Variants in ANKRD36C observed in about 807,000 individuals in gnomAD.
The protein encoded by ANKRD36C is ankyrin repeat domain 36C.
A neutral mutation model predicts 276.4 loss-of-function variants in ANKRD36C; 61 were observed. The observed-to-expected ratio is 0.22, with a 90% CI of 0.18 to 0.27. ANKRD36C has a LOEUF of 0.27. Ranked by LOEUF, ANKRD36C falls within the 10% of genes least tolerant of loss-of-function variation. The pLI, the probability that ANKRD36C is intolerant of heterozygous loss-of-function variation, is 1.00. For synonymous variants in ANKRD36C, 483 were observed against 680.1 expected, an observed-to-expected ratio of 0.71 and a Z score of 4.51; for missense variants, 1,447 against 2,032.3, an observed-to-expected ratio of 0.71 and a Z score of 5.54.
chr2:95,852,517 C>A (rs1250819890), intron 64 of ANKRD36C: 15 of 250,158 alleles, frequency 6.0e-5, no homozygotes, highest in Non-Finnish European at 9.9e-5. Context: ...GAAAAGTTCA[C>A]AGACCCCTGC....
rs758631503 is a variant in ANKRD36C, at chr2:95,908,538, C to T, written c.2653+3706G>A. ...TTTTCTCCATGCTTTTTTCCTCTGG[C>T]TATATTCAAAAGAGAATCTTTCTCA... On this transcript the variant is annotated intron_variant, in intron 42 of 66. Coordinates refer to ENST00000456556, the Ensembl canonical transcript of ANKRD36C. 4.5e-6 allele frequency: 7 copies of T among 1,547,952 alleles called. No homozygotes were observed. In the South Asian group the frequency reaches 8.2e-5, roughly 18 times the overall value.
At chr2:95,915,829 A>T (rs557967199) in intron 38 of ANKRD36C, 151 bp downstream of exon 40, 36 of 1,148,178 alleles carry the variant, frequency 3.1e-5, no homozygotes, top group Middle Eastern at 2.9e-4. Flanking sequence ...ACCAGCAGCA[A>T]CAGCGTAACC....
chr2:95,963,475 C>T (rs1462123955), intron 6 of ANKRD36C, among the ~76,000 whole-genome samples: 1 of 148,412 alleles, frequency 6.7e-6, no homozygotes, highest in East Asian at 2.0e-4. Context: ...AAAGTTAGCT[C>T]CTTGAAAAAC....
chr2:95,986,818 T>C, exon 3 of ANKRD36C: 1 of 1,611,964 alleles, frequency 6.2e-7, no homozygotes, highest in Non-Finnish European at 8.5e-7. Context: ...ATCTTCATTA[T>C]ACACAGCGTA....
At chr2:95,889,613 T>C (rs1443411530) in intron 48 of ANKRD36C, among the ~76,000 whole-genome samples, 186 bp downstream of exon 68, 1 of 151,520 alleles carries the variant, frequency 6.6e-6, no homozygotes, top group African/African-American at 2.4e-5. Context: ...TCTAAAATCT[T>C]AGTACTTTCA....
At chr2:95,920,109 C>G (rs1677224651) in intron 34 of ANKRD36C, among the ~76,000 whole-genome samples, 189 bp from the exon 35 acceptor site, 1 of 131,938 alleles carries the variant, frequency 7.6e-6, no homozygotes, top group Middle Eastern at 3.4e-3. Flanking sequence ...CAGGCTCCAT[C>G]AAATATATCC....
chr2:95,948,261 C>T (rs1678105701), intron 17 of ANKRD36C, among the ~76,000 whole-genome samples: 1 of 151,910 alleles, frequency 6.6e-6, no homozygotes, highest in Non-Finnish European at 1.5e-5. Flanking sequence ...GAAAGCGTTC[C>T]AGAACCACAT....
rs973653819 is a variant in ANKRD36C, at chr2:95,990,038, A to AT, written c.197+1473dup. 1.6e-3 allele frequency among the ~76,000 whole-genome samples: 237 copies of AT among 152,026 alleles called. 1 individual carries two copies. The Middle Eastern group carries it at 0.024, about 15-fold the overall frequency. On this transcript the variant is annotated intron_variant, in intron 1 of 66. Transcript: ENST00000456556. ...CTTTTAATTTTTTCTTATAAACTGGATTTTTTTTATTTTGCTAAATCGACC... is the reference window on the plus strand; with the variant it reads ...CTTTTAATTTTTTCTTATAAACTGGATTTTTTTTTATTTTGCTAAATCGACC...
chr2:95,910,464 G>A lies in ANKRD36C; in HGVS notation c.2653+1780C>T, dbSNP rs187672188. The stretch of plus-strand genomic sequence containing the variant: ...TTGTAGCCTGAATAGAATTTGAAAC[G>A]AAATAATAAATAAATAAAGTATGTT... On this transcript the variant is annotated intron_variant, in intron 42 of 66. Coordinates refer to ENST00000456556, the Ensembl canonical transcript of ANKRD36C. The A allele has an allele frequency of 1.6e-3, 2,564 of 1,585,172 alleles. 3 individuals carry two copies. Among genetic ancestry groups the A allele is most frequent in the South Asian group, 2.5e-3 (224 of 88,246 alleles).
intron 6 of ANKRD36C, among the ~76,000 whole-genome samples, chr2:95,974,243 A>C (rs1346551205): frequency 1.3e-5 from 2 of 152,226 alleles, no homozygotes; most frequent in African/African-American, 4.8e-5. Flanking sequence ...TTAATTTGAA[A>C]ATTTAAAAGA....
chr2:95,937,409 G>C (rs1305721211), intron 22 of ANKRD36C, among the ~76,000 whole-genome samples: 2 of 152,310 alleles, frequency 1.3e-5, no homozygotes, highest in African/African-American at 4.8e-5. Flanking sequence ...AGATCAGAGT[G>C]CCATGGACAA....
At position 95,870,532 on chromosome 2, in the gene ANKRD36C, G is replaced by T. The variant is rs1244463680; in HGVS notation, c.3541-2951C>A. Among the ~76,000 whole-genome samples the T allele has an allele frequency of 3.9e-5, 6 of 152,186 alleles. No homozygotes were observed. The East Asian group carries it at 1.2e-3, about 29-fold the overall frequency. On this transcript the variant is annotated intron_variant, in intron 59 of 66. Coordinates refer to ENST00000456556, the Ensembl canonical transcript of ANKRD36C. ...CCATCTGTACATCACCATCATCAAA[G>T]ACCAAAAGTAGATAAAACCTCAAAG...
chr2:95,960,512 T>C, exon 10 of ANKRD36C: 2 of 1,533,892 alleles, frequency 1.3e-6, no homozygotes, highest in East Asian at 2.4e-5. Flanking sequence ...TCTGTGGCTG[T>C]GTTCGAAACA....
chr2:95,880,182 AAAAACAAAAAACAAAAC>A lies in ANKRD36C; in HGVS notation c.3469+228_3469+244del, dbSNP rs1258087895. On this transcript the variant is annotated intron_variant, in intron 58 of 66. Transcript: ENST00000456556. The stretch of plus-strand genomic sequence containing the variant: ...GCAACAAGAGCAAAGCTCTGTCTCC[AAAAACAAAAAACAAAAC>A]AAAACAAAAAACAAAACAAAACAAA... Among the ~76,000 whole-genome samples the A allele has an allele frequency of 1.3e-4, 20 of 151,804 alleles. 1 individual carries two copies. The highest frequency in any genetic ancestry group is 4.2e-4 in the South Asian group (2 of 4,804).
intron 16 of ANKRD36C, among the ~76,000 whole-genome samples, chr2:95,949,274 G>C (rs1174590919): frequency 1.3e-5 from 2 of 152,136 alleles, no homozygotes; most frequent in Admixed American, 1.3e-4. Context: ...TCCAATTATT[G>C]TCATTATATA....
Position 95,857,289 on chromosome 2 carries a change from T to G in ANKRD36C, c.4080+20A>C, listed in dbSNP as rs773184736. ...ATTAATAAGAGTAGAAATATGAAGTTTTACCAAACATTAATTTACCTGATT... is the reference window on the plus strand; with the variant it reads ...ATTAATAAGAGTAGAAATATGAAGTGTTACCAAACATTAATTTACCTGATT... On this transcript the variant is annotated intron_variant, in intron 62 of 66. Coordinates refer to ENST00000456556, the Ensembl canonical transcript of ANKRD36C. The G allele has an allele frequency of 6.3e-7, 1 of 1,578,382 alleles. No individual in the cohort carries two copies. The highest frequency in any genetic ancestry group is 8.6e-7 in the Non-Finnish European group (1 of 1,164,580).
chr2:95,890,449 C>A (rs909620945), intron 46 of ANKRD36C, among the ~76,000 whole-genome samples: 8 of 151,444 alleles, frequency 5.3e-5, no homozygotes, highest in Admixed American at 5.3e-4. Context: ...TGAGAAGGCA[C>A]AGAATTACGA....
chr2:95,944,417 T>G (rs1042736088), intron 19 of ANKRD36C, among the ~76,000 whole-genome samples: 85 of 152,328 alleles, frequency 5.6e-4, no homozygotes, highest in African/African-American at 1.9e-3. Context: ...TTTTCTATTA[T>G]TACCTTGAGA....
chr2:95,931,222 A>T (rs1677559189), intron 24 of ANKRD36C, among the ~76,000 whole-genome samples: 1 of 151,642 alleles, frequency 6.6e-6, no homozygotes, highest in Admixed American at 6.6e-5. Context: ...CACTTGACTA[A>T]CATGTACAAA....
Sources: allele counts gnomAD v4.1 joint callset (sites outside exome capture counted in the v4.1 genomes callset), GRCh38; gene constraint gnomAD v4.1.1; transcripts MANE v1.5; gene names NCBI Gene and HGNC (gene_info 2026-07-23, HGNC 2026-07-21).